PCDH18: variants seen among roughly 807,000 people sequenced by gnomAD.
The protein encoded by PCDH18 is protocadherin 18.
PCDH18 carries 38 observed loss-of-function variants against 71.5 expected under a neutral mutation model. The observed-to-expected ratio is 0.53, with a 90% CI of 0.41 to 0.70. The LOEUF is 0.70. Ranked by LOEUF, PCDH18 falls within the 30% of genes least tolerant of loss-of-function variation. PCDH18 has a pLI of 0.00. For synonymous variants in PCDH18, 565 were observed against 505.4 expected, an observed-to-expected ratio of 1.12 and a Z score of -1.58; for missense variants, 1,334 against 1,384.6, an observed-to-expected ratio of 0.96 and a Z score of 0.58.
Position 137,531,493 on chromosome 4 carries a change from A to G in PCDH18, c.596T>C (p.Ile199Thr), listed in dbSNP as rs749510693. Reference protein sequence around the residue: ...RTDGAKYAELIVVRELDRELK... With the variant: ...RTDGAKYAELTVVRELDRELK... ...CTCCCGATCTAACTCTCTGACCACTATGAGTTCTGCATACTTGGCTCCATC... is the reference window on the plus strand; with the variant it reads ...CTCCCGATCTAACTCTCTGACCACTGTGAGTTCTGCATACTTGGCTCCATC... Residue 199 changes from isoleucine to threonine, a missense_variant, in exon 1 of 4, where the codon ATA (isoleucine) becomes ACA (threonine). Transcript: ENST00000344876. 1.3e-5 allele frequency: 21 copies of G among 1,613,826 alleles called. No individual in the cohort carries two copies. Among genetic ancestry groups the G allele is most frequent in the Admixed American group, 6.7e-5 (4 of 59,982 alleles).
In PCDH18 at chr4:137,532,012, A is replaced by C. The variant is rs1404256652; in HGVS notation, c.77T>G (p.Leu26Arg). 1 of 1,613,894 alleles carries C rather than the reference A, an allele frequency of 6.2e-7. No homozygotes were observed. The highest frequency in any genetic ancestry group is 8.5e-7 in the Non-Finnish European group (1 of 1,179,866). ...AATCCTGTATTTCAAATTCTTGCCC[A>C]GTACATCGTGGTTGAAAGATACTAT... ...LLIVSFNHDV[L>R]GKNLKYRIYE... The change falls in exon 1 of 4, where the codon CTG (leucine) becomes CGG (arginine). Residue 26 changes from leucine to arginine, a missense_variant. Transcript: ENST00000344876.
Position 137,521,039 on chromosome 4 carries a change from C to T in PCDH18, c.3398G>A (p.Arg1133His), listed in dbSNP as rs375347964. 4 of 1,584,836 alleles carry T rather than the reference C, an allele frequency of 2.5e-6. No homozygotes were observed. The highest frequency in any genetic ancestry group is 3.4e-6 in the Non-Finnish European group (4 of 1,160,500). Residue 1133 changes from arginine (R) to histidine (H), a missense_variant, in exon 4 of 4, where the codon CGC (arginine) becomes CAC (histidine). Around this residue, in one of 3 missense-constraint regions of PCDH18, gnomAD observed 319 missense variants for 316.3 expected, o/e 1.01. Transcript: ENST00000344876. Reference sequence around the variant, plus strand: ...CTTCGCTAAAATCTCCTAGCTCTGGCGGACATCTTGAAGCAGTTTGTTAAT... The same window carrying T: ...CTTCGCTAAAATCTCCTAGCTCTGGTGGACATCTTGAAGCAGTTTGTTAAT... ...AEINKLLQDVRQS is the reference protein window; with the variant it reads ...AEINKLLQDVHQS
Position 137,531,972 on chromosome 4 carries a change from C to A in PCDH18, c.117G>T (p.Arg39Ser), listed in dbSNP as rs141378597. The stretch of plus-strand genomic sequence containing the variant: ...ATAGTCTTGCAATTACTGATCCAAC[C>A]CTCTGTTCCTCATAAATCCTGTATT... ...NLKYRIYEEQ[R>S]VGSVIARLSE... The change falls in exon 1 of 4, where the codon AGG becomes AGT. Residue 39 changes from arginine to serine, a missense_variant. By Grantham distance (110) the Arg-to-Ser change is moderately radical (BLOSUM62 -1). Around this residue, in one of 3 missense-constraint regions of PCDH18, gnomAD observed 1,011 missense variants for 1,048.0 expected, o/e 0.96. Coordinates refer to ENST00000344876, the MANE Select transcript of PCDH18 (RefSeq NM_019035.5). The A allele has an allele frequency of 1.9e-5, 31 of 1,613,946 alleles. No individual in the cohort carries two copies. Among genetic ancestry groups the A allele is most frequent in the Non-Finnish European group, 2.5e-5 (30 of 1,179,896 alleles).
Position 137,530,621 on chromosome 4 carries a change from T to G in PCDH18, c.1468A>C (p.Thr490Pro). 1 of 1,614,130 alleles carries G rather than the reference T, an allele frequency of 6.2e-7. No individual in the cohort carries two copies. The highest frequency in any genetic ancestry group is 1.3e-5 in the African/African-American group (1 of 75,048). The change falls in exon 1 of 4, where the codon ACA (threonine) becomes CCA (proline). Residue 490 changes from threonine to proline, a missense_variant. Thr to Pro is a conservative substitution (Grantham distance 38). Coordinates refer to ENST00000344876, the MANE Select transcript of PCDH18 (RefSeq NM_019035.5). ...CCATTTTCTCCAAGATCAGGATCTGTGGCTGTAACAGTGGTGATATATGCC... is the reference window on the plus strand; with the variant it reads ...CCATTTTCTCCAAGATCAGGATCTGGGGCTGTAACAGTGGTGATATATGCC... ...PGAYITTVTATDPDLGENGQV... is the reference protein window; with the variant it reads ...PGAYITTVTAPDPDLGENGQV...
chr4:137,523,256 A>C (rs1441169580), intron 3 of PCDH18, among the ~76,000 whole-genome samples: 5 of 152,176 alleles, frequency 3.3e-5, no homozygotes, highest in Non-Finnish European at 7.4e-5. Context: ...GTTACATTTA[A>C]ATAAGCAAGA....
Position 137,521,018 on chromosome 4 carries a change from G to T in PCDH18, c.*11C>A. On this transcript the variant is annotated 3_prime_UTR_variant, in exon 4 of 4. Coordinates refer to ENST00000344876, the MANE Select transcript of PCDH18 (RefSeq NM_019035.5). ...ATATACATGGAAACAAAAATGCTTC[G>T]CTAAAATCTCCTAGCTCTGGCGGAC... is the stretch of plus-strand genomic sequence containing the variant. The T allele has an allele frequency of 6.5e-7, 1 of 1,546,138 alleles. No homozygotes were observed. Among genetic ancestry groups the T allele is most frequent in the Non-Finnish European group, 8.8e-7 (1 of 1,142,708 alleles).
In PCDH18 at chr4:137,530,515, C is replaced by A. The variant is rs767886366; in HGVS notation, c.1574G>T (p.Gly525Val). The change falls in exon 1 of 4, where the codon GGA becomes GTA. Residue 525 changes from glycine to valine, a missense_variant. Physicochemically the swap from Gly to Val is moderately radical, Grantham distance 109. Around this residue, in one of 3 missense-constraint regions of PCDH18, gnomAD observed 1,011 missense variants for 1,048.0 expected, o/e 0.96. Transcript: ENST00000344876. ...AAAGATTCTGAGGGCATAGATGGCT[C>A]CATTAGATGGGTCAATGGTTACATA... ...TTYVTIDPSN[G>V]AIYALRIFDH... The A allele has an allele frequency of 6.2e-7, 1 of 1,613,848 alleles. No homozygotes were observed. The highest frequency in any genetic ancestry group is 2.2e-5 in the East Asian group (1 of 44,852).
intron 3 of PCDH18, among the ~76,000 whole-genome samples, chr4:137,528,098 C>T (rs1168461786): frequency 6.6e-6 from 1 of 152,132 alleles, no homozygotes; most frequent in Non-Finnish European, 1.5e-5. Flanking sequence ...TGCGCCAAAA[C>T]AGTTTAACTG....
chr4:137,527,176 C>A (rs1731492172), intron 3 of PCDH18, among the ~76,000 whole-genome samples: 1 of 152,050 alleles, frequency 6.6e-6, no homozygotes. Context: ...GCTCGAGTTT[C>A]TATTCACAGT....
chr4:137,529,773 T>A lies in PCDH18; in HGVS notation c.2316A>T (p.Arg772Ser). The A allele has an allele frequency of 6.2e-7, 1 of 1,613,862 alleles. No individual in the cohort carries two copies. Among genetic ancestry groups the A allele is most frequent in the Non-Finnish European group, 8.5e-7 (1 of 1,179,862 alleles). Reference protein sequence around the residue: ...VPTINGTLPIRSHHRSSPSSS... With the variant: ...VPTINGTLPISSHHRSSPSSS... ...AAGATGGAGACGATCTGTGATGAGA[T>A]CTGATGGGCAGAGTGCCATTTATGG... The change falls in exon 1 of 4, where the codon AGA becomes AGT. Residue 772 changes from arginine to serine, a missense_variant. Coordinates refer to ENST00000344876, the MANE Select transcript of PCDH18 (RefSeq NM_019035.5).
chr4:137,530,684 G>T lies in PCDH18; in HGVS notation c.1405C>A (p.Arg469=), dbSNP rs1731652183. The change falls in exon 1 of 4, where the codon CGA becomes AGA. Residue 469 remains arginine, a synonymous_variant. Coordinates refer to ENST00000344876, the MANE Select transcript of PCDH18 (RefSeq NM_019035.5). ...TTTTCTGAAATTACAAATTCATATC[G>T]GCTTCTCTGGAAGTGGGGTGGATTG... The part of the protein sequence containing the change: ...NDNPPHFQRS[R]YEFVISENNS... The T allele has an allele frequency of 1.2e-6, 2 of 1,612,792 alleles. No homozygotes were observed. The highest frequency in any genetic ancestry group is 2.2e-5 in the East Asian group (1 of 44,872).
At position 137,531,088 on chromosome 4, in the gene PCDH18, A is replaced by G; in HGVS notation, c.1001T>C (p.Ile334Thr). 11 of 1,613,522 alleles carry G rather than the reference A, an allele frequency of 6.8e-6. No homozygotes were observed. Among genetic ancestry groups the G allele is most frequent in the Non-Finnish European group, 9.3e-6 (11 of 1,179,656 alleles). The change falls in exon 1 of 4, where the codon ATC (isoleucine) becomes ACC (threonine). Residue 334 changes from isoleucine (I) to threonine (T), a missense_variant. Physicochemically the swap from Ile to Thr is moderately conservative, Grantham distance 89. This residue lies in a region of PCDH18 where 1,011 missense variants were observed against 1,048.0 expected (regional missense o/e 0.96). Coordinates refer to ENST00000344876, the MANE Select transcript of PCDH18 (RefSeq NM_019035.5). ...VQAQDLGPNS[I>T]PAHCKIIIKV... ...AATTATAATTTTGCAATGGGCTGGG[A>G]TTGAATTTGGACCCAAATCTTGAGC...
rs1731236275 is a variant in PCDH18, at chr4:137,519,715, T to C, written c.*1314A>G. On this transcript the variant is annotated 3_prime_UTR_variant, in exon 4 of 4. Coordinates refer to ENST00000344876, the MANE Select transcript of PCDH18 (RefSeq NM_019035.5). The stretch of plus-strand genomic sequence containing the variant: ...ACAGTTCCTTAGCTTTACTTTAATT[T>C]TTCTTTTATTTTCACTGACAGAAAA... 6.6e-6 allele frequency: 1 copy of C among 152,314 alleles called. No individual in the cohort carries two copies. Among genetic ancestry groups the C allele is most frequent in the Non-Finnish European group, 1.5e-5 (1 of 68,014 alleles). The allele number at this position is 152,314 out of a possible 1,614,324, so 9.4% of individuals were successfully genotyped here.
chr4:137,521,983 C>T (rs1010004635), intron 3 of PCDH18, among the ~76,000 whole-genome samples: 3 of 151,864 alleles, frequency 2.0e-5, no homozygotes, highest in Admixed American at 2.0e-4. Context: ...ATAAAGTATA[C>T]GTGGGAAGAA....
Position 137,530,023 on chromosome 4 carries a change from G to C in PCDH18, c.2066C>G (p.Thr689Ser), listed in dbSNP as rs1731612022. The change falls in exon 1 of 4, where the codon ACT becomes AGT. Residue 689 changes from threonine to serine, a missense_variant. Physicochemically the swap from Thr to Ser is moderately conservative, Grantham distance 58. Around this residue, in one of 3 missense-constraint regions of PCDH18, gnomAD observed 1,011 missense variants for 1,048.0 expected, o/e 0.96. Transcript: ENST00000344876. ...ATCCAAGGATGCCTGGCTTACTGAA[G>C]TCATTGCTGTACTTGTCACCGACTC... ...YAESVTSTAM[T>S]SVSQASLDVS... 6.2e-7 allele frequency: 1 copy of C among 1,613,984 alleles called. No individual in the cohort carries two copies. Among genetic ancestry groups the C allele is most frequent in the Admixed American group, 1.7e-5 (1 of 59,988 alleles).
At position 137,521,040 on chromosome 4, in the gene PCDH18, G is replaced by A. The variant is rs1386245070; in HGVS notation, c.3397C>T (p.Arg1133Cys). The A allele has an allele frequency of 1.9e-6, 3 of 1,585,974 alleles. No individual in the cohort carries two copies. The highest frequency in any genetic ancestry group is 1.7e-5 in the Admixed American group (1 of 58,190). Residue 1133 changes from arginine to cysteine, a missense_variant, in exon 4 of 4, where the codon CGC (arginine) becomes TGC (cysteine). Coordinates refer to ENST00000344876, the MANE Select transcript of PCDH18 (RefSeq NM_019035.5). Reference protein sequence around the residue: ...AEINKLLQDVRQS With the variant: ...AEINKLLQDVCQS ...TTCGCTAAAATCTCCTAGCTCTGGCGGACATCTTGAAGCAGTTTGTTAATC... is the reference window on the plus strand; with the variant it reads ...TTCGCTAAAATCTCCTAGCTCTGGCAGACATCTTGAAGCAGTTTGTTAATC...
chr4:137,531,390 T>C lies in PCDH18; in HGVS notation c.699A>G (p.Lys233=). ...TGTCATTGGAGTCTGAAATGCTTATTTTTAGTATGGATGAGCCAGACCTCT... is the reference window on the plus strand; with the variant it reads ...TGTCATTGGAGTCTGAAATGCTTATCTTTAGTATGGATGAGCCAGACCTCT... ...VPQRSGSSIL[K]ISISDSNDNS... Residue 233 remains lysine, a synonymous_variant, in exon 1 of 4, where the codon AAA becomes AAG. Transcript: ENST00000344876. 5 of 1,613,036 alleles carry C rather than the reference T, an allele frequency of 3.1e-6. No homozygotes were observed. Among genetic ancestry groups the C allele is most frequent in the Non-Finnish European group, 3.4e-6 (4 of 1,179,530 alleles).
Position 137,520,735 on chromosome 4 carries a change from G to T in PCDH18, c.*294C>A, listed in dbSNP as rs1731263887. 3.6e-6 allele frequency: 1 copy of T among 274,132 alleles called. No individual in the cohort carries two copies. Among genetic ancestry groups the T allele is most frequent in the Non-Finnish European group, 6.9e-6 (1 of 145,218 alleles). The allele number at this position is 274,132 out of a possible 1,614,324, so 17.0% of individuals were successfully genotyped here. On this transcript the variant is annotated 3_prime_UTR_variant, in exon 4 of 4. Coordinates refer to ENST00000344876, the MANE Select transcript of PCDH18 (RefSeq NM_019035.5). ...GAATAGTGTATCAGATTTGAACAGTGGCTAGTTTCTACACGACTAGGAAAA... is the reference window on the plus strand; with the variant it reads ...GAATAGTGTATCAGATTTGAACAGTTGCTAGTTTCTACACGACTAGGAAAA...
rs1731292224 is a variant in PCDH18 at position 137,521,353 on chromosome 4, C to T, written c.3084G>A (p.Glu1028=). The change falls in exon 4 of 4, where the codon GAG becomes GAA. Residue 1028 remains glutamate, a synonymous_variant. Coordinates refer to ENST00000344876, the MANE Select transcript of PCDH18 (RefSeq NM_019035.5). ...PSLDTYSECS[E]VDRSNSLERR... ...GCTCCAGGGAGTTGGACCGATCCAC[C>T]TCACTGCATTCAGAATAGGTGTCCA... The T allele has an allele frequency of 3.7e-6, 6 of 1,614,078 alleles. No homozygotes were observed. The highest frequency in any genetic ancestry group is 1.6e-4 in the Middle Eastern group (1 of 6,082).
Sources: gnomAD v4.1 joint callset for allele counts (sites outside exome capture counted in the v4.1 genomes callset) on GRCh38, gnomAD v4.1.1 for gene constraint, gnomAD v4.1.1 regional missense constraint, MANE v1.5 for transcripts, NCBI Gene and HGNC (gene_info 2026-07-23, HGNC 2026-07-21) for gene names.